LTBP2: variants seen among roughly 807,000 people sequenced by gnomAD.
LTBP2 encodes latent transforming growth factor beta binding protein 2, also known as latent-transforming growth factor beta-binding protein 2.
In LTBP2, 103 loss-of-function variants were observed where a neutral mutation model predicts 210.6. The observed-to-expected ratio is 0.49, with a 90% CI of 0.42 to 0.58. The LOEUF is 0.58. LTBP2 is among the 20% of genes least tolerant of loss of function. LTBP2 has a pLI of 0.00. For synonymous variants in LTBP2, 1,007 were observed against 1,015.0 expected (o/e 0.99, Z 0.15); for missense variants, 2,313 against 2,494.5 (o/e 0.93, Z 1.55).
chr14:74,504,457 C>T (rs539666571), intron 30 of LTBP2, among the ~76,000 whole-genome samples: 1 of 152,318 alleles, frequency 6.6e-6, no homozygotes, highest in Admixed American at 6.5e-5. Context: ...AGCCTCTGGC[C>T]TCTAGAGCAG....
intron 2 of LTBP2, among the ~76,000 whole-genome samples, chr14:74,594,280 CTCCA>C (rs2088324887): frequency 6.6e-6 from 1 of 152,190 alleles, no homozygotes; most frequent in Non-Finnish European, 1.5e-5. Context: ...CACCTTTGCC[CTCCA>C]TCTATGACCC....
rs1192444034 is a variant in LTBP2, at chr14:74,503,570, C to T, written c.4619G>A (p.Gly1540Asp). 1.9e-6 allele frequency: 3 copies of T among 1,613,752 alleles called. No homozygotes were observed. The highest frequency in any genetic ancestry group is 2.5e-6 in the Non-Finnish European group (3 of 1,180,008). ...DECQDLACEN[G>D]ECVNTEGSFH... ...GGAGCCCTCCGTGTTGACGCACTCGCCATTCTCACAGGCCAGGTCCTGGCA... is the reference window on the plus strand; with the variant it reads ...GGAGCCCTCCGTGTTGACGCACTCGTCATTCTCACAGGCCAGGTCCTGGCA... Residue 1540 changes from glycine (G) to aspartate (D), a missense_variant, in exon 32 of 36, where the codon GGC becomes GAC. Coordinates refer to ENST00000261978, the MANE Select transcript of LTBP2 (RefSeq NM_000428.3).
chr14:74,605,903 A>G (rs1297995781), intron 1 of LTBP2, among the ~76,000 whole-genome samples: 1 of 152,150 alleles, frequency 6.6e-6, no homozygotes, highest in African/African-American at 2.4e-5. Context: ...AGGGCACTCA[A>G]GAGAGATTCA....
Position 74,528,538 on chromosome 14 carries a change from C to T in LTBP2, c.2313G>A (p.Gln771=), listed in dbSNP as rs774053621. The T allele has an allele frequency of 2.5e-6, 4 of 1,612,844 alleles. No individual in the cohort carries two copies. The Admixed American group carries it at 5.0e-5, about 20-fold the overall frequency. ...SGALPGPAER[Q]PLRVVTDTWL... is the part of the protein sequence containing the mutation. ...AGGTGTCCGTGACGACCCGGAGGGGCTGCCTCTCTGCTGGCCCGGGCAGTG... is the reference window on the plus strand; with the variant it reads ...AGGTGTCCGTGACGACCCGGAGGGGTTGCCTCTCTGCTGGCCCGGGCAGTG... Residue 771 remains glutamine (Q), a synonymous_variant, in exon 12 of 36, where the codon CAG becomes CAA. Coordinates refer to ENST00000261978, the MANE Select transcript of LTBP2 (RefSeq NM_000428.3).
chr14:74,521,516 C>A (rs1310416589), intron 17 of LTBP2, among the ~76,000 whole-genome samples: 1 of 152,154 alleles, frequency 6.6e-6, no homozygotes, highest in Non-Finnish European at 1.5e-5. Context: ...ACACCTACTC[C>A]CAGGTCTGCC....
intron 1 of LTBP2, among the ~76,000 whole-genome samples, chr14:74,605,990 GCTGGGAATT>G (rs143618174): frequency 0.027 from 4,156 of 152,248 alleles, 176 homozygotes; most frequent in African/African-American, 0.092. Flanking sequence ...GAGGTAACCA[GCTGGGAATT>G]CTGGGAATTG....
intron 2 of LTBP2, among the ~76,000 whole-genome samples, chr14:74,603,352 C>G (rs1221818148): frequency 6.6e-6 from 1 of 152,214 alleles, no homozygotes; most frequent in African/African-American, 2.4e-5. Flanking sequence ...GTCTCCAACT[C>G]TCGACCTCAA....
intron 31 of LTBP2, 79 bp from the exon 32 acceptor site, chr14:74,503,685 C>A: frequency 6.3e-7 from 1 of 1,580,210 alleles, no homozygotes; most frequent in Admixed American, 1.7e-5. Context: ...GTTTGCCTAT[C>A]ACTGATAATG....
At chr14:74,564,049 T>A (rs12891960) in intron 3 of LTBP2, among the ~76,000 whole-genome samples, 75 of 45,892 alleles carry the variant, frequency 1.6e-3, no homozygotes, top group African/African-American at 6.9e-3. Flanking sequence ...ATATATATAT[T>A]TATATATATA....
intron 9 of LTBP2, among the ~76,000 whole-genome samples, chr14:74,533,102 T>C (rs2139724184): frequency 1.3e-5 from 2 of 152,366 alleles, no homozygotes; most frequent in South Asian, 4.1e-4. Context: ...TGCCTTGGCC[T>C]CCCGAAGTGC....
chr14:74,540,485 A>C (rs1168745825), intron 8 of LTBP2, among the ~76,000 whole-genome samples: 1 of 150,460 alleles, frequency 6.6e-6, no homozygotes, highest in East Asian at 2.0e-4. Flanking sequence ...AAATAAATAA[A>C]TAAGGCGCAG....
At chr14:74,535,639 AG>A (rs1215584032) in intron 9 of LTBP2, among the ~76,000 whole-genome samples, 1 of 152,216 alleles carries the variant, frequency 6.6e-6, no homozygotes, top group Admixed American at 6.5e-5. Flanking sequence ...TGGCCCCTTC[AG>A]ACACAGCCCC....
At chr14:74,590,782 TA>T (rs1418267793) in intron 2 of LTBP2, among the ~76,000 whole-genome samples, 3 of 510 alleles carry the variant, frequency 5.9e-3, no homozygotes, top group Non-Finnish European at 0.013. Context: ...GGAGCTAAGC[TA>T]GCTAAGCTAT....
Position 74,507,996 on chromosome 14 carries a change from G to T in LTBP2, c.3752C>A (p.Ser1251Tyr). ...NCLCETGFQP[S>Y]PESGECVDID... The stretch of plus-strand genomic sequence containing the variant: ...ACCCACACACTCTCCACTCTCTGGG[G>T]AGGGCTGGAAGCCAGTCTCACATAG... Residue 1251 changes from serine (S) to tyrosine (Y), a missense_variant, in exon 25 of 36, where the codon TCC becomes TAC. By Grantham distance (144) the Ser-to-Tyr change is moderately radical. Coordinates refer to ENST00000261978, the MANE Select transcript of LTBP2 (RefSeq NM_000428.3). The T allele has an allele frequency of 6.2e-7, 1 of 1,613,726 alleles. No homozygotes were observed. Among genetic ancestry groups the T allele is most frequent in the South Asian group, 1.1e-5 (1 of 91,072 alleles).
At chr14:74,531,913 C>A (rs1005290831) in intron 10 of LTBP2, among the ~76,000 whole-genome samples, 1 of 152,226 alleles carries the variant, frequency 6.6e-6, no homozygotes, top group African/African-American at 2.4e-5. Flanking sequence ...GGACACAATG[C>A]TAATGCCCAC....
At position 74,546,103 on chromosome 14, in the gene LTBP2, C is replaced by T. The variant is rs140160042; in HGVS notation, c.1789+3760G>A. On this transcript the variant is annotated intron_variant, in intron 8 of 35. Coordinates refer to ENST00000261978, the MANE Select transcript of LTBP2 (RefSeq NM_000428.3). ...ACTGAAGGGAAGCCATGAAGCCACT[C>T]CCAGGCTGCTCACCCTATCACTCCC... Among the ~76,000 whole-genome samples the T allele has an allele frequency of 5.3e-3, 813 of 152,318 alleles. 5 individuals carry two copies. Among genetic ancestry groups the T allele is most frequent in the Middle Eastern group, 0.031 (9 of 294 alleles).
At position 74,503,992 on chromosome 14, in the gene LTBP2, C is replaced by T. The variant is rs117800773; in HGVS notation, c.4516G>A (p.Val1506Met). The change falls in exon 31 of 36, where the codon GTG (valine) becomes ATG (methionine). Residue 1506 changes from valine (V) to methionine (M), a missense_variant. By Grantham distance (21) the Val-to-Met change is conservative. Transcript: ENST00000261978. ...TTGCACAGGCAGACATAACCAGGCA[C>T]GGTGTTGAGGCACCGGCCGTTCGGG... Reference protein sequence around the residue: ...LCPNGRCLNTVPGYVCLCNPG... With the variant: ...LCPNGRCLNTMPGYVCLCNPG... 2.1e-3 allele frequency: 3,358 copies of T among 1,614,118 alleles called. 6 individuals carry two copies. Among genetic ancestry groups the T allele is most frequent in the Non-Finnish European group, 2.4e-3 (2,871 of 1,180,028 alleles).
intron 19 of LTBP2, among the ~76,000 whole-genome samples, chr14:74,510,758 C>T (rs984076784): frequency 1.3e-5 from 2 of 152,270 alleles, no homozygotes; most frequent in Non-Finnish European, 2.9e-5. Context: ...GCATTCTGAA[C>T]CCTGAGCCTT....
At chr14:74,603,873 C>T (rs140232800) in intron 1 of LTBP2, among the ~76,000 whole-genome samples, 168 bp from the exon 2 acceptor site, 2 of 152,250 alleles carry the variant, frequency 1.3e-5, no homozygotes, top group East Asian at 1.9e-4. Context: ...CCTGACTCTG[C>T]CATTCTCTGC....
Sources: gnomAD v4.1 joint callset for allele counts (sites outside exome capture counted in the v4.1 genomes callset) on GRCh38, gnomAD v4.1.1 for gene constraint, MANE v1.5 for transcripts, NCBI Gene and HGNC (gene_info 2026-07-23, HGNC 2026-07-21) for gene names.